The following PUDP variants were observed in gnomAD, a reference collection of about 807,000 sequenced individuals.
PUDP encodes the protein pseudouridine-5'-phosphatase.
A neutral mutation model predicts 9.4 loss-of-function variants in PUDP; 8 were observed. That is an observed-to-expected ratio of 0.85 (90% confidence interval 0.50 to 1.53). The LOEUF (loss-of-function observed/expected upper bound fraction) is 1.53, where lower values mean the gene tolerates loss of function less well. Ranked by LOEUF, PUDP falls within the 40% of genes most tolerant of loss-of-function variation. The pLI is 0.00. For synonymous variants in PUDP, 99 were observed against 80.7 expected (o/e 1.23, Z -1.22); for missense variants, 188 against 189.7 (o/e 0.99, Z 0.05).
intron 1 of PUDP, among the ~76,000 whole-genome samples, chrX:7,001,419 G>C (rs1444157741): frequency 1.8e-5 from 2 of 110,864 alleles, no homozygotes; most frequent in Non-Finnish European, 3.8e-5. Context: ...AAGATTTTTA[G>C]GGAAAATTTG....
chrX:6,767,060 TTTACAAGGTTTTTCTTAAC>T (rs1925294053), intron 3 of PUDP, among the ~76,000 whole-genome samples: 1 of 112,984 alleles, frequency 8.9e-6, no homozygotes, highest in East Asian at 2.7e-4. Context: ...TTGATAAGAA[TTTACAAGGTTTTTCTTAAC>T]TTTGTATTTT....
chrX:6,747,900 C>G (rs928291617), intron 3 of PUDP, among the ~76,000 whole-genome samples: 2 of 111,589 alleles, frequency 1.8e-5, no homozygotes, highest in African/African-American at 3.3e-5. Flanking sequence ...CAGCAGAGAA[C>G]GTAAGAGAAA....
chrX:6,832,594 G>A (rs1028134725), intron 3 of PUDP, among the ~76,000 whole-genome samples: 36 of 112,124 alleles, frequency 3.2e-4, no homozygotes, highest in African/African-American at 1.1e-3. Flanking sequence ...GAATCTTGAA[G>A]CACAAGAGCT....
chrX:7,084,784 A>G (rs772698777), intron 2 of PUDP: 2 of 112,419 alleles, frequency 1.8e-5, no homozygotes, highest in South Asian at 7.4e-4. Context: ...GAGATGATGC[A>G]TGTGTTCATT....
intron 3 of PUDP, among the ~76,000 whole-genome samples, chrX:6,840,929 C>CT (rs1391610549): frequency 9.0e-6 from 1 of 110,990 alleles, no homozygotes; most frequent in Non-Finnish European, 1.9e-5. Context: ...AAAAAATAGT[C>CT]TTTTAAAAAA....
chrX:7,089,753 T>G (rs1355879920), intron 2 of PUDP, among the ~76,000 whole-genome samples: 2 of 111,944 alleles, frequency 1.8e-5, no homozygotes, highest in Admixed American at 1.9e-4. Context: ...GCTACTTGCT[T>G]CTTAACACAG....
chrX:7,080,804 C>A (rs1183842001), intron 2 of PUDP, among the ~76,000 whole-genome samples: 1 of 108,907 alleles, frequency 9.2e-6, no homozygotes, highest in Non-Finnish European at 1.9e-5. Flanking sequence ...TCCTGTAACC[C>A]GTTACTTGGG....
intron 1 of PUDP, among the ~76,000 whole-genome samples, chrX:7,018,926 A>G (rs930256675): frequency 8.9e-6 from 1 of 112,609 alleles, no homozygotes; most frequent in African/African-American, 3.2e-5. Context: ...TGATATCCCG[A>G]TATCTTGAGA....
chrX:6,928,387 T>C (rs1006325616), intron 3 of PUDP, among the ~76,000 whole-genome samples: 4 of 111,433 alleles, frequency 3.6e-5, no homozygotes, highest in Non-Finnish European at 7.5e-5. Context: ...CAGAGAGACC[T>C]TGAGGCTTCT....
upstream of PUDP, among the ~76,000 whole-genome samples, chrX:6,722,145 G>T (rs979428166): frequency 9.0e-6 from 1 of 111,005 alleles, no homozygotes; most frequent in Non-Finnish European, 1.9e-5. Context: ...AAATCTGGTG[G>T]ATTAAAAATC....
At chrX:7,043,036 GACAA>G (rs1049660828) in intron 1 of PUDP, among the ~76,000 whole-genome samples, 2 of 111,889 alleles carry the variant, frequency 1.8e-5, no homozygotes, top group African/African-American at 6.5e-5. Flanking sequence ...AACAGTGGGA[GACAA>G]ACAAGGGAGT....
chrX:6,809,973 G>T (rs958674370), intron 3 of PUDP, among the ~76,000 whole-genome samples: 1 of 110,695 alleles, frequency 9.0e-6, no homozygotes, highest in African/African-American at 3.3e-5. Context: ...CCAGCTACTT[G>T]GGATGCTAAG....
At chrX:6,992,757 G>A (rs1474935610) in intron 1 of PUDP, among the ~76,000 whole-genome samples, 1 of 111,606 alleles carries the variant, frequency 9.0e-6, no homozygotes, top group African/African-American at 3.3e-5. Flanking sequence ...GTTCCTGGGT[G>A]TGTCTGTGAG....
intron 2 of PUDP, among the ~76,000 whole-genome samples, chrX:7,087,960 C>G (rs1392365718): frequency 2.7e-5 from 3 of 111,707 alleles, no homozygotes; most frequent in Non-Finnish European, 5.6e-5. Context: ...ATCTCGTTAT[C>G]AGTATCACTG....
chrX:6,749,807 C>T (rs996112478), intron 3 of PUDP, among the ~76,000 whole-genome samples: 2 of 111,982 alleles, frequency 1.8e-5, no homozygotes, highest in Non-Finnish European at 3.8e-5. Context: ...ACCTCTCTTG[C>T]ATTGGTGTCC....
chrX:7,131,782 C>T (rs908708108), intron 1 of PUDP, among the ~76,000 whole-genome samples: 2 of 105,785 alleles, frequency 1.9e-5, no homozygotes, highest in African/African-American at 3.5e-5. Flanking sequence ...ATGATGGCTA[C>T]GAGATAAAAT....
intron 3 of PUDP, among the ~76,000 whole-genome samples, chrX:6,967,406 G>T (rs1928803376): frequency 9.0e-6 from 1 of 111,559 alleles, no homozygotes; most frequent in African/African-American, 3.3e-5. Context: ...TCGTCCCTGT[G>T]ACCCTCTGGA....
chrX:6,945,288 A>G (rs1371533414), intron 3 of PUDP, among the ~76,000 whole-genome samples: 2 of 112,037 alleles, frequency 1.8e-5, no homozygotes, highest in African/African-American at 6.5e-5. Flanking sequence ...ACTTGGTTAC[A>G]TCAGCAAGCC....
intron 3 of PUDP, among the ~76,000 whole-genome samples, chrX:6,741,852 TTTTC>T (rs751919726): frequency 0.05 from 5,262 of 104,461 alleles, 342 homozygotes; most frequent in African/African-American, 0.15. Context: ...CTTTCTTTCT[TTTTC>T]TTTCTTTCTT....
Sources: allele counts gnomAD v4.1 joint callset (sites outside exome capture counted in the v4.1 genomes callset), GRCh38; gene constraint gnomAD v4.1.1; transcripts MANE v1.5; gene names NCBI Gene and HGNC (gene_info 2026-07-23, HGNC 2026-07-21).